The following NXN variants were observed in gnomAD, a reference collection of about 807,000 sequenced individuals.
NXN encodes the protein nucleoredoxin, also known as nucleoredoxin 1.
Under a neutral mutation model 48.6 loss-of-function variants are expected in NXN, and 16 were observed. The observed-to-expected ratio is 0.33, with a 90% CI of 0.22 to 0.50. NXN has a LOEUF of 0.50. Among genes scored for constraint, NXN ranks in the 20% least tolerant of loss-of-function variants. The pLI, the probability that NXN is intolerant of heterozygous loss-of-function variation, is 0.98. For missense variants in NXN, 492 were observed against 605.5 expected (o/e 0.81, Z 1.97); for synonymous variants, 281 against 269.6 (o/e 1.04, Z -0.41).
In NXN at chr17:932,541, G is replaced by C. The variant is rs2068865584; in HGVS notation, c.360+46778C>G. ...AGCGAGTAAGGCAGCTTCAGGGGAA[G>C]GCCTGAGCCCCTTCTAAGAAAACAC... On this transcript the variant is annotated intron_variant, in intron 1 of 7. Coordinates refer to ENST00000336868, the MANE Select transcript of NXN (RefSeq NM_022463.5). The surrounding 1 kb of genome is among the most constrained non-coding windows in gnomAD (Gnocchi z 4.1). Among the ~76,000 whole-genome samples the C allele has an allele frequency of 6.6e-6, 1 of 152,216 alleles. No individual in the cohort carries two copies. The highest frequency in any genetic ancestry group is 2.4e-5 in the African/African-American group (1 of 41,460).
chr17:972,989 C>G (rs1440792620), intron 1 of NXN, among the ~76,000 whole-genome samples: 1 of 151,720 alleles, frequency 6.6e-6, no homozygotes, highest in Non-Finnish European at 1.5e-5. Context: ...CCAGATCGCT[C>G]CACTGCACTC....
At position 830,588 on chromosome 17, in the gene NXN, G is replaced by A. The variant is rs963858863; in HGVS notation, c.361-4510C>T. On this transcript the variant is annotated intron_variant, in intron 1 of 7. Transcript: ENST00000336868. This position sits in a 1 kb window ranked among gnomAD's most constrained non-coding sequence, Gnocchi z 4.2. The stretch of plus-strand genomic sequence containing the variant: ...CTGAGTAGATGAGAGAACCAGGGGC[G>A]GCGGCTGTGATGAGGTCAGAGATCA... Among the ~76,000 whole-genome samples the A allele has an allele frequency of 3.9e-5, 6 of 152,150 alleles. No individual in the cohort carries two copies. The highest frequency in any genetic ancestry group is 6.5e-5 in the Admixed American group (1 of 15,280).
chr17:955,745 A>G (rs1022243675), intron 1 of NXN, among the ~76,000 whole-genome samples: 35 of 151,158 alleles, frequency 2.3e-4, no homozygotes, highest in Admixed American at 2.1e-3. Context: ...AAAAAAATAC[A>G]AAAAAAATTA....
chr17:926,784 T>C (rs2068804795), intron 1 of NXN, among the ~76,000 whole-genome samples: 1 of 151,788 alleles, frequency 6.6e-6, no homozygotes, highest in Non-Finnish European at 1.5e-5. Flanking sequence ...TCAAGCGATC[T>C]GCCCGCCTTG....
At chr17:851,246 C>T (rs62068395) in intron 1 of NXN, among the ~76,000 whole-genome samples, 4,947 of 152,352 alleles carry the variant, frequency 0.032, 215 homozygotes, top group East Asian at 0.22. Flanking sequence ...GCCTGAGCTC[C>T]GCTTGCCACT....
chr17:802,711 G>C (rs1047315173), intron 7 of NXN, among the ~76,000 whole-genome samples: 1 of 152,198 alleles, frequency 6.6e-6, no homozygotes, highest in African/African-American at 2.4e-5. Flanking sequence ...CCCCCGGGCT[G>C]AGCAGGTGAC....
chr17:912,871 T>C (rs2068650144), intron 1 of NXN, among the ~76,000 whole-genome samples: 1 of 151,916 alleles, frequency 6.6e-6, no homozygotes, highest in Admixed American at 6.6e-5. Context: ...GGAGAATCGC[T>C]TGAACCCGGG....
Position 830,474 on chromosome 17 carries a change from A to C in NXN, c.361-4396T>G, listed in dbSNP as rs1476574091. ...CGGGAGGAATGACATTTGGGCACAGACCTCAGCAAGGAAATGGAACAAGCC... is the reference window on the plus strand; with the variant it reads ...CGGGAGGAATGACATTTGGGCACAGCCCTCAGCAAGGAAATGGAACAAGCC... On this transcript the variant is annotated intron_variant, in intron 1 of 7. Transcript: ENST00000336868. The surrounding 1 kb of genome is among the most constrained non-coding windows in gnomAD (Gnocchi z 4.2). 6.6e-6 allele frequency among the ~76,000 whole-genome samples: 1 copy of C among 152,012 alleles called. No individual in the cohort carries two copies. Among genetic ancestry groups the C allele is most frequent in the African/African-American group, 2.4e-5 (1 of 41,406 alleles).
At chr17:954,585 T>C (rs2069145658) in intron 1 of NXN, among the ~76,000 whole-genome samples, 1 of 152,180 alleles carries the variant, frequency 6.6e-6, no homozygotes, top group African/African-American at 2.4e-5. Flanking sequence ...AGTGACTTCC[T>C]CAGAGCAACA....
chr17:843,064 A>AAAGCAAGCAAGC (rs200717420), intron 1 of NXN, among the ~76,000 whole-genome samples: 6 of 138,132 alleles, frequency 4.3e-5, no homozygotes, highest in African/African-American at 1.6e-4. Context: ...AAGAAGGAAG[A>AAAGCAAGCAAGC]AAGCAAGCAA....
intron 5 of NXN, among the ~76,000 whole-genome samples, chr17:809,891 A>G (rs1911819813): frequency 6.7e-6 from 1 of 148,578 alleles, no homozygotes; most frequent in African/African-American, 2.5e-5. Context: ...CGTGTACGTT[A>G]AGAGTCCCTG....
intron 1 of NXN, among the ~76,000 whole-genome samples, chr17:918,812 G>T (rs373545233): frequency 2.9e-5 from 4 of 136,138 alleles, no homozygotes; most frequent in East Asian, 5.3e-4. Flanking sequence ...GGCCGGGGGT[G>T]GGGGGGCGGG....
rs397961779 is a variant in NXN, at chr17:917,161, CTTTTT to C, written c.360+62153_360+62157del. Among the ~76,000 whole-genome samples the C allele has an allele frequency of 1.5e-3, 215 of 145,300 alleles. 3 individuals are homozygous for C. The highest frequency in any genetic ancestry group is 7.1e-3 in the Middle Eastern group (2 of 282). On this transcript the variant is annotated intron_variant, in intron 1 of 7. Transcript: ENST00000336868. The surrounding 1 kb of genome is among the most constrained non-coding windows in gnomAD (Gnocchi z 4.5). The stretch of plus-strand genomic sequence containing the variant: ...AGGTGTTCCACGCCTGAGCTCACAT[CTTTTT>C]TTTTTTTTTCTGTAGCCCAGGCTGG...
intron 1 of NXN, among the ~76,000 whole-genome samples, chr17:857,677 C>G (rs1215206563): frequency 6.6e-6 from 1 of 152,200 alleles, no homozygotes; most frequent in African/African-American, 2.4e-5. Flanking sequence ...AGCTGTAGCT[C>G]TCTTTCTCAA....
rs2069198256 is a variant in NXN at position 958,623 on chromosome 17, T to G, written c.360+20696A>C. Among the ~76,000 whole-genome samples, 1 of 151,948 alleles carries G rather than the reference T, an allele frequency of 6.6e-6. No individual in the cohort carries two copies. The highest frequency in any genetic ancestry group is 2.4e-5 in the African/African-American group (1 of 41,364). ...CCATCTGTACTAAAAATACAAAAATTAGCCAGGCGTGGTGGCGTGCGCCTG... is the reference window on the plus strand; with the variant it reads ...CCATCTGTACTAAAAATACAAAAATGAGCCAGGCGTGGTGGCGTGCGCCTG... On this transcript the variant is annotated intron_variant, in intron 1 of 7. Coordinates refer to ENST00000336868, the MANE Select transcript of NXN (RefSeq NM_022463.5). This position sits in a 1 kb window ranked among gnomAD's most constrained non-coding sequence, Gnocchi z 6.9.
intron 1 of NXN, among the ~76,000 whole-genome samples, chr17:922,565 T>C (rs1312429926): frequency 6.6e-6 from 1 of 152,138 alleles, no homozygotes; most frequent in Non-Finnish European, 1.5e-5. Flanking sequence ...TAGCCTGAGG[T>C]ACAGAACCAG....
intron 1 of NXN, among the ~76,000 whole-genome samples, chr17:882,114 C>T (rs372434324): frequency 7.9e-4 from 120 of 152,290 alleles, no homozygotes; most frequent in Middle Eastern, 3.4e-3. Context: ...AAAAAGAACT[C>T]ATACCAACAA....
chr17:826,627 C>T (rs1597634933), intron 1 of NXN, among the ~76,000 whole-genome samples: 2 of 152,210 alleles, frequency 1.3e-5, no homozygotes, highest in East Asian at 1.9e-4. Context: ...GGAGAAGAGA[C>T]GGGTTTTCTG....
chr17:816,705 T>A (rs903508367), intron 5 of NXN, among the ~76,000 whole-genome samples: 7 of 152,254 alleles, frequency 4.6e-5, no homozygotes, highest in East Asian at 1.9e-4. Context: ...TTTATTCAAG[T>A]CTGTGACTCC....
Sources: gnomAD v4.1 joint callset for allele counts (sites outside exome capture counted in the v4.1 genomes callset) on GRCh38, gnomAD v4.1.1 for gene constraint, Gnocchi (gnomAD v3.1) non-coding constraint, MANE v1.5 for transcripts, NCBI Gene and HGNC (gene_info 2026-07-23, HGNC 2026-07-21) for gene names.